COL5A1: variants seen among roughly 807,000 people sequenced by gnomAD.
The protein encoded by COL5A1 is collagen alpha-1(V) chain.
COL5A1 carries 16 observed loss-of-function variants against 263.7 expected under a neutral mutation model. That is an observed-to-expected ratio of 0.06 (90% CI 0.04 to 0.09). COL5A1 has a LOEUF of 0.09. Ranked by LOEUF, COL5A1 falls within the 10% of genes least tolerant of loss-of-function variation. The pLI is 1.00. For synonymous variants in COL5A1, 1,012 were observed against 1,004.5 expected (o/e 1.01, Z -0.14); for missense variants, 2,036 against 2,540.5 (o/e 0.80, Z 4.27).
In COL5A1 at chr9:134,752,580, C is replaced by T; in HGVS notation, c.1663-9C>T. The stretch of plus-strand genomic sequence containing the variant: ...GCCCTGTCTCAGCGTGTCTCACTTT[C>T]CTTTGCAGTTGGCACTGAGGGGACC... On this transcript the variant is annotated splice_polypyrimidine_tract_variant and intron_variant, in intron 13 of 65. Transcript: ENST00000371817. 1 of 1,611,958 alleles carries T rather than the reference C, an allele frequency of 6.2e-7. No homozygotes were observed.
At chr9:134,744,271 A>C (rs1365206936) in intron 11 of COL5A1, among the ~76,000 whole-genome samples, 4 of 152,104 alleles carry the variant, frequency 2.6e-5, no homozygotes, top group Non-Finnish European at 5.9e-5. Context: ...ACACACACTC[A>C]AGCACACACG....
At position 134,703,498 on chromosome 9, in the gene COL5A1, G is replaced by T. The variant is rs144353496; in HGVS notation, c.654+2165G>T. ...TTTGTAAAACATTGGTCACAGTAAG[G>T]CTACCTGCACAGCTGCAGGGGAGGT... On this transcript the variant is annotated intron_variant, in intron 4 of 65. Transcript: ENST00000371817. 9.1e-3 allele frequency among the ~76,000 whole-genome samples: 1,390 copies of T among 152,300 alleles called. 16 individuals are homozygous for T. Among genetic ancestry groups the T allele is most frequent in the African/African-American group, 0.029 (1,217 of 41,560 alleles).
chr9:134,795,419 A>AG (rs1451286905), intron 34 of COL5A1, 104 bp downstream of exon 34: 5 of 1,006,140 alleles, frequency 5.0e-6, no homozygotes, highest in Non-Finnish European at 7.3e-6. Context: ...TATTAAAAAA[A>AG]AAAAAAAAGG....
chr9:134,711,898 T>G (rs1834054805), intron 4 of COL5A1, among the ~76,000 whole-genome samples: 1 of 152,014 alleles, frequency 6.6e-6, no homozygotes, highest in Non-Finnish European at 1.5e-5. Flanking sequence ...TGGATGGCGC[T>G]GGGCCTGAGT....
chr9:134,839,621 C>T (rs1264241740), intron 65 of COL5A1, among the ~76,000 whole-genome samples: 1 of 152,188 alleles, frequency 6.6e-6, no homozygotes, highest in Non-Finnish European at 1.5e-5. Context: ...CTTGCAGTGG[C>T]CCAGTGAAGC....
rs549304534 is a variant in COL5A1 at position 134,678,095 on chromosome 9, G to T, written c.110-12817G>T. ...CCCAGCGTCACTCCCTCCGCAGCAG[G>T]GTATCTGCAGGGGTCTTGGAGGCAT... On this transcript the variant is annotated intron_variant, in intron 1 of 65. Transcript: ENST00000371817. The surrounding 1 kb of genome is among the most constrained non-coding windows in gnomAD (Gnocchi z 5.5). 2.0e-5 allele frequency among the ~76,000 whole-genome samples: 3 copies of T among 152,196 alleles called. No homozygotes were observed. Among genetic ancestry groups the T allele is most frequent in the African/African-American group, 7.2e-5 (3 of 41,448 alleles).
intron 39 of COL5A1, among the ~76,000 whole-genome samples, chr9:134,803,974 G>A (rs77788748): frequency 0.032 from 4,914 of 152,152 alleles, 108 homozygotes; most frequent in South Asian, 0.07. Flanking sequence ...TCCCCTGGGC[G>A]CCCCAGGTTC....
chr9:134,793,742 G>T (rs1176633972), intron 32 of COL5A1, among the ~76,000 whole-genome samples: 1 of 152,196 alleles, frequency 6.6e-6, no homozygotes, highest in Admixed American at 6.5e-5. Flanking sequence ...ATCCTCGCCT[G>T]TAGAACGCCT....
chr9:134,813,240 G>A (rs1040736898), intron 48 of COL5A1, among the ~76,000 whole-genome samples: 29 of 152,126 alleles, frequency 1.9e-4, no homozygotes, highest in Admixed American at 1.3e-3. Context: ...GTGCACATCG[G>A]TGCATGTGTG....
At chr9:134,785,165 G>T in intron 30 of COL5A1, 69 bp downstream of exon 30, 1 of 1,303,254 alleles carries the variant, frequency 7.7e-7, no homozygotes. Context: ...ATGGCCTCGG[G>T]CTCCCGTTGG....
In COL5A1 at chr9:134,741,052, C is replaced by G. The variant is rs909354129; in HGVS notation, c.1494+2244C>G. 1.3e-5 allele frequency among the ~76,000 whole-genome samples: 2 copies of G among 152,322 alleles called. No homozygotes were observed. The highest frequency in any genetic ancestry group is 2.9e-5 in the Non-Finnish European group (2 of 68,036). ...CCCCTCTGGGTCCAGCTCCGGCCAG[C>G]CTTGTTCAGGAAGCCATCCCTGCTC... On this transcript the variant is annotated intron_variant, in intron 11 of 65. Coordinates refer to ENST00000371817, the MANE Select transcript of COL5A1 (RefSeq NM_000093.5). The surrounding 1 kb of genome is among the most constrained non-coding windows in gnomAD (Gnocchi z 4.5).
intron 27 of COL5A1, among the ~76,000 whole-genome samples, chr9:134,778,816 C>G (rs1249795481): frequency 6.6e-6 from 1 of 152,368 alleles, no homozygotes; most frequent in East Asian, 1.9e-4. Context: ...TCCAAATCCT[C>G]CAGTGATTAT....
At chr9:134,670,567 C>T (rs1280189218) in intron 1 of COL5A1, among the ~76,000 whole-genome samples, 2 of 152,122 alleles carry the variant, frequency 1.3e-5, no homozygotes, top group Non-Finnish European at 2.9e-5. Context: ...GCCTGTGGCA[C>T]GTCTTGGAGA....
rs1449077849 is a variant in COL5A1 at position 134,765,071 on chromosome 9, A to C, written c.2035-610A>C. On this transcript the variant is annotated intron_variant, in intron 20 of 65. Coordinates refer to ENST00000371817, the MANE Select transcript of COL5A1 (RefSeq NM_000093.5). The surrounding 1 kb of genome is among the most constrained non-coding windows in gnomAD (Gnocchi z 5.1). ...TCTCACTCCACCTGCGGTAAAGGGG[A>C]GGTTCTGCACGAGCCTCGCCGACCG... Among the ~76,000 whole-genome samples the C allele has an allele frequency of 6.6e-6, 1 of 151,784 alleles. No individual in the cohort carries two copies. Among genetic ancestry groups the C allele is most frequent in the East Asian group, 2.0e-4 (1 of 5,116 alleles).
intron 1 of COL5A1, among the ~76,000 whole-genome samples, chr9:134,675,367 G>A (rs1036088208): frequency 6.6e-6 from 1 of 152,244 alleles, no homozygotes; most frequent in East Asian, 1.9e-4. Flanking sequence ...AAAAAAATTT[G>A]TGCCAGTTTG....
chr9:134,828,680 A>AC (rs1588605361), intron 63 of COL5A1, among the ~76,000 whole-genome samples: 1 of 151,958 alleles, frequency 6.6e-6, no homozygotes, highest in East Asian at 1.9e-4. Context: ...AATGCGCCAT[A>AC]CACACCACAC....
In COL5A1 at chr9:134,758,223, C is replaced by G. The variant is rs774254944; in HGVS notation, c.1882-20C>G. 5.5e-5 allele frequency: 89 copies of G among 1,613,776 alleles called. No individual in the cohort carries two copies. Among genetic ancestry groups the G allele is most frequent in the Non-Finnish European group, 6.5e-5 (77 of 1,179,970 alleles). On this transcript the variant is annotated intron_variant, in intron 17 of 65. Coordinates refer to ENST00000371817, the MANE Select transcript of COL5A1 (RefSeq NM_000093.5). This position sits in a 1 kb window ranked among gnomAD's most constrained non-coding sequence, Gnocchi z 4.1. Reference sequence around the variant, plus strand: ...GTGTGCAGGGTGGCGTCTGAGGCAGCCTTTCTGTCCTTTTTGCAGGGTGAC... The same window carrying G: ...GTGTGCAGGGTGGCGTCTGAGGCAGGCTTTCTGTCCTTTTTGCAGGGTGAC...
intron 1 of COL5A1, chr9:134,649,386 A>G: frequency 2.4e-6 from 1 of 422,100 alleles, no homozygotes; most frequent in South Asian, 1.8e-5. Flanking sequence ...AGCCTGACCC[A>G]CTTTTCTCAA....
intron 4 of COL5A1, among the ~76,000 whole-genome samples, chr9:134,721,751 G>A (rs1044584498): frequency 6.6e-6 from 1 of 152,246 alleles, no homozygotes; most frequent in African/African-American, 2.4e-5. Flanking sequence ...GCCCGTGGGA[G>A]GTTGCTGGGC....
Sources: allele counts gnomAD v4.1 joint callset (sites outside exome capture counted in the v4.1 genomes callset), GRCh38; gene constraint gnomAD v4.1.1; non-coding constraint Gnocchi (gnomAD v3.1); transcripts MANE v1.5; gene names NCBI Gene and HGNC (gene_info 2026-07-23, HGNC 2026-07-21).